Variants in TMC7 observed in about 807,000 individuals in gnomAD.
The protein encoded by TMC7 is transmembrane channel like 7.
Under a neutral mutation model 82.9 loss-of-function variants are expected in TMC7, and 54 were observed. The ratio of observed to expected loss-of-function variants is 0.65; its 90% confidence interval spans 0.52 to 0.82. The LOEUF is 0.82. Ranked by LOEUF, TMC7 falls within the 40% of genes least tolerant of loss-of-function variation. The probability of loss-of-function intolerance (pLI) is 0.00; values close to 1 mark genes in which losing one functional copy is unlikely to be tolerated. For synonymous variants in TMC7, 350 were observed against 337.9 expected (o/e 1.04, Z -0.39); for missense variants, 820 against 901.2 (o/e 0.91, Z 1.15).
intron 2 of TMC7, among the ~76,000 whole-genome samples, chr16:19,011,067 A>G (rs1959308314): frequency 1.3e-5 from 2 of 152,174 alleles, no homozygotes; most frequent in Non-Finnish European, 2.9e-5. Context: ...GCATTCACAC[A>G]TTCATTGAGT....
At chr16:19,056,208 G>A (rs1961761740) in intron 13 of TMC7, among the ~76,000 whole-genome samples, 1 of 151,604 alleles carries the variant, frequency 6.6e-6, no homozygotes, top group Admixed American at 6.6e-5. Context: ...TCCTACCTCA[G>A]CCTCCCAAGT....
chr16:19,016,166 G>A (rs557930264), intron 2 of TMC7, among the ~76,000 whole-genome samples: 2 of 151,832 alleles, frequency 1.3e-5, no homozygotes, highest in East Asian at 3.9e-4. Context: ...GCACCATCTC[G>A]GCTCACCGCA....
Position 19,051,786 on chromosome 16 carries a change from C to T in TMC7, c.1841C>T (p.Ala614Val), listed in dbSNP as rs1427935476. 6.2e-7 allele frequency: 1 copy of T among 1,614,040 alleles called. No homozygotes were observed. The highest frequency in any genetic ancestry group is 1.7e-5 in the Admixed American group (1 of 59,986). ...LLVLLIGLCLAIIPLTISISR... is the reference protein window; with the variant it reads ...LLVLLIGLCLVIIPLTISISR... ...GTGTTGTTGATCGGGCTGTGTTTGG[C>T]AATAATACCTCTGACAATCAGCATA... is the stretch of plus-strand genomic sequence containing the variant. Residue 614 changes from alanine to valine, a missense_variant, in exon 13 of 16, where the codon GCA becomes GTA. Physicochemically the swap from Ala to Val is moderately conservative, Grantham distance 64 (BLOSUM62 0). This residue lies in a region of TMC7 where 170 missense variants were observed against 231.3 expected (regional missense o/e 0.74). Transcript: ENST00000304381.
intron 9 of TMC7, among the ~76,000 whole-genome samples, chr16:19,042,162 T>C (rs1331627239): frequency 6.6e-6 from 1 of 152,080 alleles, no homozygotes; most frequent in Non-Finnish European, 1.5e-5. Context: ...GGGTTCGCTC[T>C]TTCCCCCATT....
chr16:19,017,257 T>C (rs1445766997), intron 3 of TMC7, among the ~76,000 whole-genome samples: 1 of 151,846 alleles, frequency 6.6e-6, no homozygotes, highest in East Asian at 1.9e-4. Context: ...TAAAATAATA[T>C]GATAACTGTA....
intron 3 of TMC7, 30 bp downstream of exon 3, chr16:19,016,628 C>T: frequency 1.9e-6 from 3 of 1,606,852 alleles, no homozygotes; most frequent in Non-Finnish European, 2.5e-6. Context: ...CTGCAGGCTC[C>T]TCCGCAGAAG....
intron 2 of TMC7, among the ~76,000 whole-genome samples, chr16:19,013,519 TTTTA>T (rs976590970): frequency 6.8e-5 from 10 of 146,870 alleles, no homozygotes; most frequent in African/African-American, 2.5e-4. Context: ...GCCTGGCCTA[TTTTA>T]TTTATTTTTT....
chr16:19,039,374 A>G (rs1288558748), intron 8 of TMC7, among the ~76,000 whole-genome samples: 1 of 152,018 alleles, frequency 6.6e-6, no homozygotes, highest in African/African-American at 2.4e-5. Context: ...TACAGGCATG[A>G]GCCACCACAC....
At chr16:19,016,104 CT>C (rs940144016) in intron 2 of TMC7, among the ~76,000 whole-genome samples, 1 of 150,778 alleles carries the variant, frequency 6.6e-6, no homozygotes, top group Admixed American at 6.6e-5. Context: ...TCTTTTCTTT[CT>C]TTTTTTTTGA....
chr16:18,984,848 G>C (rs1042022697), intron 1 of TMC7, among the ~76,000 whole-genome samples: 1 of 152,222 alleles, frequency 6.6e-6, no homozygotes, highest in Non-Finnish European at 1.5e-5. Context: ...CACTCAGGCA[G>C]GGTTCCTTGT....
intron 2 of TMC7, among the ~76,000 whole-genome samples, chr16:19,013,527 A>T (rs948695264): frequency 6.8e-6 from 1 of 146,656 alleles, no homozygotes; most frequent in African/African-American, 2.5e-5. Flanking sequence ...TATTTTATTT[A>T]TTTTTTTTGA....
chr16:19,025,918 G>C (rs933638821), intron 5 of TMC7, among the ~76,000 whole-genome samples: 1 of 151,872 alleles, frequency 6.6e-6, no homozygotes, highest in Non-Finnish European at 1.5e-5. Context: ...CCCATGCCCA[G>C]CTAATTTGTG....
intron 8 of TMC7, among the ~76,000 whole-genome samples, chr16:19,038,440 C>A (rs960863103): frequency 2.0e-5 from 3 of 152,020 alleles, no homozygotes; most frequent in Admixed American, 1.3e-4. Context: ...GGTGATCTGC[C>A]CGCCTCCACC....
chr16:19,040,262 G>T, intron 8 of TMC7, 27 bp from the exon 9 acceptor site: 2 of 1,603,866 alleles, frequency 1.2e-6, no homozygotes, highest in South Asian at 2.2e-5. Context: ...ATATACTCCT[G>T]ACTAATAAGT....
chr16:19,005,276 A>G (rs914252387), intron 1 of TMC7, among the ~76,000 whole-genome samples: 1 of 151,834 alleles, frequency 6.6e-6, no homozygotes, highest in African/African-American at 2.4e-5. Context: ...TTTTTAGTAG[A>G]GATGGGGTTT....
chr16:19,009,055 C>T, intron 1 of TMC7, 117 bp from the exon 2 acceptor site: 1 of 1,192,412 alleles, frequency 8.4e-7, no homozygotes, highest in Non-Finnish European at 1.2e-6. Flanking sequence ...ATGCTGTCGT[C>T]ACTGACCCAG....
chr16:19,010,746 G>T (rs1272641375), intron 2 of TMC7, among the ~76,000 whole-genome samples: 1 of 152,158 alleles, frequency 6.6e-6, no homozygotes, highest in Non-Finnish European at 1.5e-5. Context: ...TTTATCCATA[G>T]TCGGCTGTGG....
At chr16:19,058,575 T>G (rs1038387170) in intron 14 of TMC7, among the ~76,000 whole-genome samples, 18 of 152,314 alleles carry the variant, frequency 1.2e-4, no homozygotes, top group Admixed American at 3.3e-4. Flanking sequence ...TCATTCTGTA[T>G]GTACAAGGCG....
intron 5 of TMC7, among the ~76,000 whole-genome samples, chr16:19,025,001 G>A (rs1194456451): frequency 6.6e-6 from 1 of 152,048 alleles, no homozygotes; most frequent in African/African-American, 2.4e-5. Context: ...GTGAGACGCT[G>A]TCTCAGAAAA....
Sources: gnomAD v4.1 joint callset for allele counts (sites outside exome capture counted in the v4.1 genomes callset) on GRCh38, gnomAD v4.1.1 for gene constraint, gnomAD v4.1.1 regional missense constraint, MANE v1.5 for transcripts, NCBI Gene and HGNC (gene_info 2026-07-23, HGNC 2026-07-21) for gene names.